Variants in MYT1L observed in about 807,000 individuals in gnomAD.
MYT1L encodes myelin transcription factor 1 like, also known as myelin transcription factor 1-like protein.
Under a neutral mutation model 126.7 loss-of-function variants are expected in MYT1L, and 12 were observed. The observed-to-expected ratio is 0.09, with a 90% CI of 0.06 to 0.15. MYT1L has a LOEUF of 0.15. Ranked by LOEUF, MYT1L falls within the 10% of genes least tolerant of loss-of-function variation. MYT1L has a pLI of 1.00. For missense variants in MYT1L, 979 were observed against 1,585.2 expected (o/e 0.62, Z 6.49); for synonymous variants, 541 against 604.2 (o/e 0.90, Z 1.53).
intron 1 of MYT1L, among the ~76,000 whole-genome samples, chr2:2,299,911 G>T (rs910053015): frequency 6.6e-6 from 1 of 152,026 alleles, no homozygotes; most frequent in South Asian, 2.1e-4. Context: ...CTGATGTATT[G>T]TGTCCTTTTA....
chr2:2,078,089 T>A (rs898845866), intron 3 of MYT1L, among the ~76,000 whole-genome samples: 4 of 152,228 alleles, frequency 2.6e-5, no homozygotes, highest in Non-Finnish European at 5.9e-5. Flanking sequence ...AGTTTTTAAC[T>A]ATGTTTGAAA....
chr2:2,269,119 C>A (rs577507747), intron 2 of MYT1L, among the ~76,000 whole-genome samples: 2 of 152,294 alleles, frequency 1.3e-5, no homozygotes, highest in East Asian at 1.9e-4. Flanking sequence ...CCTCCCAAGG[C>A]CATCTATCGC....
chr2:2,218,680 T>A lies in MYT1L; in HGVS notation c.-420-45692A>T, dbSNP rs890236298. ...ACACACATCACAACTTACAGAGTTG[T>A]ATACTTTAAATATATTTATGTCATG... On this transcript the variant is annotated intron_variant, in intron 2 of 24. Transcript: ENST00000647738. Among the ~76,000 whole-genome samples the A allele has an allele frequency of 2.6e-5, 4 of 152,204 alleles. No individual in the cohort carries two copies. In the East Asian group the frequency reaches 5.8e-4, roughly 22 times the overall value.
At position 2,165,775 on chromosome 2, in the gene MYT1L, T is replaced by C. The variant is rs144520136; in HGVS notation, c.-304+7097A>G. 4.1e-3 allele frequency among the ~76,000 whole-genome samples: 629 copies of C among 152,172 alleles called. 4 individuals are homozygous for C. The highest frequency in any genetic ancestry group is 0.014 in the African/African-American group (590 of 41,570). ...AATTTTGAGATTCTGATCTTTATTA[T>C]TGAAGAAGTAAATAAGTAATAATAA... On this transcript the variant is annotated intron_variant, in intron 3 of 24. Transcript: ENST00000647738.
At chr2:2,101,395 G>A (rs2078060168) in intron 3 of MYT1L, among the ~76,000 whole-genome samples, 1 of 151,930 alleles carries the variant, frequency 6.6e-6, no homozygotes, top group Non-Finnish European at 1.5e-5. Flanking sequence ...GCAAAATAAA[G>A]ATTTAATAAT....
intron 8 of MYT1L, among the ~76,000 whole-genome samples, chr2:1,961,739 TC>T (rs2058976299): frequency 6.6e-6 from 1 of 152,238 alleles, no homozygotes. Flanking sequence ...CAGGCAGGCC[TC>T]GGAGACGTGG....
intron 3 of MYT1L, among the ~76,000 whole-genome samples, chr2:2,101,212 C>T (rs995657331): frequency 6.6e-6 from 1 of 151,378 alleles, no homozygotes. Flanking sequence ...TTTTAAATGC[C>T]TATTTGTAGT....
At chr2:2,293,568 A>AG (rs558558772) in intron 1 of MYT1L, among the ~76,000 whole-genome samples, 22 of 152,258 alleles carry the variant, frequency 1.4e-4, no homozygotes, top group African/African-American at 4.6e-4. Context: ...CTTCCAGGTG[A>AG]GGGGCCTCAG....
intron 2 of MYT1L, among the ~76,000 whole-genome samples, chr2:2,206,931 T>C (rs1348470750): frequency 6.6e-6 from 1 of 152,216 alleles, no homozygotes; most frequent in Non-Finnish European, 1.5e-5. Flanking sequence ...GGCTGCATTG[T>C]AGGAGTCCAG....
intron 5 of MYT1L, among the ~76,000 whole-genome samples, chr2:1,991,514 G>C (rs10209611): frequency 6.6e-6 from 1 of 151,934 alleles, no homozygotes; most frequent in Non-Finnish European, 1.5e-5. Flanking sequence ...TCCTGGCCTC[G>C]AGTGATCCTC....
At position 1,970,841 on chromosome 2, in the gene MYT1L, C is replaced by T. The variant is rs1363604657; in HGVS notation, c.152+8324G>A. 3.3e-5 allele frequency among the ~76,000 whole-genome samples: 5 copies of T among 152,144 alleles called. 1 individual carries two copies. On this transcript the variant is annotated intron_variant, in intron 8 of 24. Transcript: ENST00000647738. ...TATTCTGTTGATGTTCCCAAGTTCC[C>T]AAATTGTATATTTTTTAATTATTAG...
At chr2:1,988,879 A>G (rs2061256083) in intron 5 of MYT1L, among the ~76,000 whole-genome samples, 1 of 152,186 alleles carries the variant, frequency 6.6e-6, no homozygotes, top group Non-Finnish European at 1.5e-5. Context: ...TCTTATTTCC[A>G]TGTCTGGGTG....
At chr2:2,226,870 G>T (rs2094023763) in intron 2 of MYT1L, among the ~76,000 whole-genome samples, 1 of 152,142 alleles carries the variant, frequency 6.6e-6, no homozygotes, top group African/African-American at 2.4e-5. Flanking sequence ...CTGGGCTTCT[G>T]TCCAGATAGC....
At chr2:2,161,441 G>A (rs925642970) in intron 3 of MYT1L, among the ~76,000 whole-genome samples, 5 of 152,234 alleles carry the variant, frequency 3.3e-5, no homozygotes, top group Admixed American at 6.5e-5. Context: ...GTGCCTGCAC[G>A]AGGAAGAATG....
At chr2:2,122,738 A>G (rs1010306967) in intron 3 of MYT1L, among the ~76,000 whole-genome samples, 2 of 152,108 alleles carry the variant, frequency 1.3e-5, no homozygotes, top group Non-Finnish European at 2.9e-5. Context: ...GGTTGGCCAT[A>G]CAACTTACTG....
intron 2 of MYT1L, among the ~76,000 whole-genome samples, chr2:2,280,039 A>C (rs1297700524): frequency 2.0e-5 from 3 of 152,266 alleles, no homozygotes; most frequent in African/African-American, 7.2e-5. Context: ...AACATGTATC[A>C]GAAAAGGAGG....
intron 2 of MYT1L, among the ~76,000 whole-genome samples, chr2:2,281,501 T>G (rs1447151759): frequency 1.3e-5 from 2 of 152,234 alleles, no homozygotes; most frequent in African/African-American, 4.8e-5. Context: ...ATTGTAAAAT[T>G]CTTCCCAACT....
intron 14 of MYT1L, among the ~76,000 whole-genome samples, chr2:1,900,513 A>C (rs1015227705): frequency 1.3e-5 from 2 of 152,030 alleles, no homozygotes; most frequent in East Asian, 1.9e-4. Context: ...GTTAGCCAGG[A>C]TGGTCTTGAT....
In MYT1L at chr2:2,059,483, G is replaced by T. The variant is rs190422591; in HGVS notation, c.-303-5360C>A. Among the ~76,000 whole-genome samples the T allele has an allele frequency of 6.6e-6, 1 of 152,306 alleles. No homozygotes were observed. The highest frequency in any genetic ancestry group is 2.4e-5 in the African/African-American group (1 of 41,568). Reference sequence around the variant, plus strand: ...GATGAGCAGAGCCCCCTGGAACCAGGTGCATTGCCCAGTGCTGGCGGCACT... The same window carrying T: ...GATGAGCAGAGCCCCCTGGAACCAGTTGCATTGCCCAGTGCTGGCGGCACT... On this transcript the variant is annotated intron_variant, in intron 3 of 24. Transcript: ENST00000647738. The surrounding 1 kb of genome is among the most constrained non-coding windows in gnomAD (Gnocchi z 4.7).
Sources: gnomAD v4.1 joint callset for allele counts (sites outside exome capture counted in the v4.1 genomes callset) on GRCh38, gnomAD v4.1.1 for gene constraint, Gnocchi (gnomAD v3.1) non-coding constraint, MANE v1.5 for transcripts, NCBI Gene and HGNC (gene_info 2026-07-23, HGNC 2026-07-21) for gene names.